The following ZNF787 variants were observed in gnomAD, a reference collection of about 807,000 sequenced individuals.
ZNF787 encodes the protein zinc finger protein 787.
ZNF787 carries 7 observed loss-of-function variants against 16.9 expected under a neutral mutation model. That is an observed-to-expected ratio of 0.42 (90% CI 0.24 to 0.78). ZNF787 has a LOEUF of 0.78. ZNF787 is among the 30% of genes least tolerant of loss of function. ZNF787 has a pLI of 0.30. For synonymous variants in ZNF787, 345 were observed against 270.9 expected (o/e 1.27, Z -2.69); for missense variants, 551 against 589.3 (o/e 0.94, Z 0.67).
intron 1 of ZNF787, among the ~76,000 whole-genome samples, chr19:56,115,616 C>T (rs890452005): frequency 4.6e-5 from 7 of 152,122 alleles, no homozygotes; most frequent in Non-Finnish European, 7.3e-5. Flanking sequence ...CACCTGGACT[C>T]GCGCAGCAGC....
chr19:56,103,247 C>G lies in ZNF787; in HGVS notation c.-10-20G>C. 2.6e-6 allele frequency: 4 copies of G among 1,527,780 alleles called. No individual in the cohort carries two copies. Among genetic ancestry groups the G allele is most frequent in the Non-Finnish European group, 3.5e-6 (4 of 1,137,652 alleles). The allele number at this position is 1,527,780 out of a possible 1,614,324, so 94.6% of individuals were successfully genotyped here. A position where few individuals can be genotyped will look rare whatever the true frequency, so the allele number is the denominator to read the frequency against. On this transcript the variant is annotated intron_variant, in intron 1 of 2. Transcript: ENST00000610935. ...GGGTCCCTGTTAGAAGGGGATGAGACAGAAGGACAGAGTTTATGGGGTGCC... is the reference window on the plus strand; with the variant it reads ...GGGTCCCTGTTAGAAGGGGATGAGAGAGAAGGACAGAGTTTATGGGGTGCC...
intron 1 of ZNF787, among the ~76,000 whole-genome samples, chr19:56,105,882 C>CT (rs1568531068): frequency 7.9e-5 from 12 of 151,734 alleles, no homozygotes; most frequent in African/African-American, 9.7e-5. Flanking sequence ...CCGCGCATTC[C>CT]CCCGGCCGCG....
At chr19:56,091,424 TGTGCAGTACGTGGAGA>T (rs1479862577) in intron 2 of ZNF787, among the ~76,000 whole-genome samples, 2 of 152,078 alleles carry the variant, frequency 1.3e-5, no homozygotes, top group Admixed American at 6.6e-5. Context: ...CTGGGGCGGG[TGTGCAGTACGTGGAGA>T]GCGCAGTGAG....
At chr19:56,102,630 T>C in intron 2 of ZNF787, 2 of 472,454 alleles carry the variant, frequency 4.2e-6, no homozygotes, top group Admixed American at 7.5e-5. Context: ...CTGACAACTT[T>C]CCCTGAAAAG....
In ZNF787 at chr19:56,087,807, TGAGGGGGCA is replaced by T. The variant is rs1985344670; in HGVS notation, c.*207_*215del. 1 of 727,540 alleles carries T rather than the reference TGAGGGGGCA, an allele frequency of 1.4e-6. No individual in the cohort carries two copies. The highest frequency in any genetic ancestry group is 1.9e-6 in the Non-Finnish European group (1 of 535,578). 45.1% of individuals were successfully genotyped at this position (727,540 alleles called of 1,614,324 possible). On this transcript the variant is annotated 3_prime_UTR_variant, in exon 3 of 3. Transcript: ENST00000610935. Reference sequence around the variant, plus strand: ...ATAACTTAGGAAGGGCGGGCCAGGCTGAGGGGGCAGAGTCTCGAGGCGGAGAAGTGAACG... The same window carrying T: ...ATAACTTAGGAAGGGCGGGCCAGGCTGAGTCTCGAGGCGGAGAAGTGAACG...
intron 2 of ZNF787, among the ~76,000 whole-genome samples, chr19:56,096,355 G>C (rs1213005662): frequency 6.6e-6 from 1 of 152,114 alleles, no homozygotes; most frequent in East Asian, 1.9e-4. Context: ...GGGGGTCAAG[G>C]CTGCAGTGAG....
chr19:56,111,420 G>C (rs1365359667), intron 1 of ZNF787, among the ~76,000 whole-genome samples: 2 of 152,268 alleles, frequency 1.3e-5, no homozygotes, highest in East Asian at 3.9e-4. Context: ...CTTGGTGCTG[G>C]GGGCTCCTAG....
chr19:56,101,688 G>A (rs770683289), intron 2 of ZNF787: 1 of 152,206 alleles, frequency 6.6e-6, no homozygotes, highest in Non-Finnish European at 1.5e-5. Flanking sequence ...CAGACAAAAT[G>A]ATGTGATGGA....
chr19:56,092,888 G>C (rs971528681), intron 2 of ZNF787, among the ~76,000 whole-genome samples: 28 of 150,512 alleles, frequency 1.9e-4, no homozygotes, highest in African/African-American at 6.6e-4. Flanking sequence ...GATGGCGTAA[G>C]TGGGATACCC....
chr19:56,106,398 G>C (rs1332511066), intron 1 of ZNF787, among the ~76,000 whole-genome samples: 1 of 152,218 alleles, frequency 6.6e-6, no homozygotes, highest in Non-Finnish European at 1.5e-5. Context: ...CTTCAACGCC[G>C]CGTCCATCCA....
intron 1 of ZNF787, among the ~76,000 whole-genome samples, chr19:56,108,656 C>T (rs1458261509): frequency 6.6e-6 from 1 of 152,148 alleles, no homozygotes; most frequent in Non-Finnish European, 1.5e-5. Context: ...GCGCCAGGCA[C>T]AGCTGGGTGA....
At chr19:56,096,586 G>A (rs1323988078) in intron 2 of ZNF787, among the ~76,000 whole-genome samples, 2 of 152,116 alleles carry the variant, frequency 1.3e-5, no homozygotes, top group African/African-American at 2.4e-5. Context: ...GGTGGCGGGT[G>A]CCTGTAATCC....
intron 2 of ZNF787, among the ~76,000 whole-genome samples, chr19:56,094,473 CT>C (rs57458324): frequency 5.3e-4 from 77 of 146,060 alleles, no homozygotes; most frequent in East Asian, 1.0e-3. Context: ...CACGCCCCGC[CT>C]TTTTTTTTTT....
intron 1 of ZNF787, among the ~76,000 whole-genome samples, chr19:56,113,698 CAGGGAG>C (rs60769175): frequency 0.71 from 107,962 of 151,996 alleles, 42,809 homozygotes; most frequent in South Asian, 0.93. Flanking sequence ...CGCAGGGAGG[CAGGGAG>C]GCAGGGAGGG....
chr19:56,091,931 AAGCCG>A (rs1568523356), intron 2 of ZNF787, among the ~76,000 whole-genome samples: 4 of 106,722 alleles, frequency 3.7e-5, no homozygotes, highest in African/African-American at 1.3e-4. Flanking sequence ...GCCGAAGCCG[AAGCCG>A]AAGCCAAAGC....
chr19:56,089,923 G>T (rs988592091), intron 2 of ZNF787, among the ~76,000 whole-genome samples: 7 of 152,174 alleles, frequency 4.6e-5, no homozygotes, highest in African/African-American at 1.7e-4. Context: ...ATTCACTCCT[G>T]AGAAGGGTCC....
At chr19:56,096,091 C>A (rs894950406) in intron 2 of ZNF787, among the ~76,000 whole-genome samples, 1 of 152,080 alleles carries the variant, frequency 6.6e-6, no homozygotes, top group Non-Finnish European at 1.5e-5. Flanking sequence ...TGCCATCACC[C>A]AACACTCAGA....
At chr19:56,116,822 C>G (rs2030151116) in intron 1 of ZNF787, among the ~76,000 whole-genome samples, 1 of 152,202 alleles carries the variant, frequency 6.6e-6, no homozygotes, top group African/African-American at 2.4e-5. Flanking sequence ...TCAACAGCAC[C>G]TCCCCCAGGA....
chr19:56,088,599 C>G lies in ZNF787; in HGVS notation c.573G>C (p.Lys191Asn). ...GCAGCCGCAGGTGACGCGCGAGGCTCTTGGGCTGGCTGAAGCCGCGGCCGC... is the reference window on the plus strand; with the variant it reads ...GCAGCCGCAGGTGACGCGCGAGGCTGTTGGGCTGGCTGAAGCCGCGGCCGC... ...PRCGRGFSQP[K>N]SLARHLRLHP... is the part of the protein sequence containing the mutation. The change falls in exon 3 of 3, where the codon AAG becomes AAC. Residue 191 changes from lysine to asparagine, a missense_variant. By Grantham distance (94) the Lys-to-Asn change is moderately conservative. Coordinates refer to ENST00000610935, the MANE Select transcript of ZNF787 (RefSeq NM_001002836.4). This position sits in a 1 kb window ranked among gnomAD's most constrained non-coding sequence, Gnocchi z 8.6. 1 of 1,518,702 alleles carries G rather than the reference C, an allele frequency of 6.6e-7. No homozygotes were observed. Among genetic ancestry groups the G allele is most frequent in the Non-Finnish European group, 8.8e-7 (1 of 1,140,184 alleles). 94.1% of individuals were successfully genotyped at this position (1,518,702 alleles called of 1,614,324 possible). A position where few individuals can be genotyped will look rare whatever the true frequency, so the allele number is the denominator to read the frequency against.
Sources: allele counts gnomAD v4.1 joint callset (sites outside exome capture counted in the v4.1 genomes callset), GRCh38; gene constraint gnomAD v4.1.1; non-coding constraint Gnocchi (gnomAD v3.1); transcripts MANE v1.5; gene names NCBI Gene and HGNC (gene_info 2026-07-23, HGNC 2026-07-21).